The following EPRS1 variants were observed in gnomAD, a reference collection of about 807,000 sequenced individuals.
The protein encoded by EPRS1 is glutamyl-prolyl-tRNA synthetase 1.
A neutral mutation model predicts 188.3 loss-of-function variants in EPRS1; 107 were observed. The ratio of observed to expected loss-of-function variants is 0.57; its 90% CI spans 0.49 to 0.67. EPRS1 has a LOEUF of 0.67. Among genes scored for constraint, EPRS1 ranks in the 30% least tolerant of loss-of-function variants. The pLI, the probability that EPRS1 is intolerant of heterozygous loss-of-function variation, is 0.00. For synonymous variants in EPRS1, 596 were observed against 593.1 expected (o/e 1.00, Z -0.07); for missense variants, 1,577 against 1,802.2 (o/e 0.88, Z 2.26).
At chr1:220,042,613 A>G (rs1662317777) in intron 1 of EPRS1, among the ~76,000 whole-genome samples, 1 of 151,842 alleles carries the variant, frequency 6.6e-6, no homozygotes, top group South Asian at 2.1e-4. Context: ...ATGAAATTTT[A>G]TCCAGCAAAT....
At position 219,998,957 on chromosome 1, in the gene EPRS1, A is replaced by AT. The variant is rs558502516; in HGVS notation, c.2182-1616dup. 2.3e-3 allele frequency among the ~76,000 whole-genome samples: 349 copies of AT among 149,988 alleles called. 2 individuals carry two copies. The highest frequency in any genetic ancestry group is 7.5e-3 in the African/African-American group (306 of 40,844). On this transcript the variant is annotated intron_variant, in intron 17 of 31. Transcript: ENST00000366923. ...AAAAAATCACACTGCCTTGTGTGTG[A>AT]TTTTTTCCCTGTGTATTCCAGTTTT...
intron 1 of EPRS1, among the ~76,000 whole-genome samples, chr1:220,041,100 G>A (rs1200827895): frequency 3.3e-5 from 5 of 151,960 alleles, no homozygotes; most frequent in South Asian, 2.1e-4. Context: ...GGAGGCTGAG[G>A]TGGGAGGACT....
chr1:220,037,279 C>T (rs778114400), intron 2 of EPRS1, among the ~76,000 whole-genome samples: 15 of 151,796 alleles, frequency 9.9e-5, no homozygotes, highest in African/African-American at 1.5e-4. Flanking sequence ...CCGAGGTGGG[C>T]GGATCACCTG....
At chr1:219,988,309 T>G (rs1661048666) in intron 19 of EPRS1, among the ~76,000 whole-genome samples, 1 of 152,158 alleles carries the variant, frequency 6.6e-6, no homozygotes, top group South Asian at 2.1e-4. Context: ...GTCACTATTC[T>G]GGATCTTACA....
chr1:220,025,600 T>G (rs1661956212), intron 6 of EPRS1, among the ~76,000 whole-genome samples: 1 of 152,160 alleles, frequency 6.6e-6, no homozygotes. Flanking sequence ...GCTTCAAAAT[T>G]GTTTCCAACG....
At chr1:220,032,358 T>G (rs1421541572) in intron 5 of EPRS1, 29 bp downstream of exon 5, 3 of 1,566,600 alleles carry the variant, frequency 1.9e-6, no homozygotes, top group Non-Finnish European at 2.6e-6. Flanking sequence ...AGTGTTTTTT[T>G]TTTTAAAAAA....
At chr1:220,019,198 A>G in intron 10 of EPRS1, 119 bp from the exon 11 acceptor site, 2 of 701,868 alleles carry the variant, frequency 2.8e-6, no homozygotes, top group Non-Finnish European at 2.5e-6. Flanking sequence ...TCTAAGAGCT[A>G]GTTATACTAA....
At chr1:220,023,184 T>C (rs943023097) in intron 8 of EPRS1, among the ~76,000 whole-genome samples, 1 of 152,206 alleles carries the variant, frequency 6.6e-6, no homozygotes, top group Non-Finnish European at 1.5e-5. Context: ...CAAGTGGCTA[T>C]GGCTCCCTCT....
chr1:220,001,315 A>G, intron 16 of EPRS1, 60 bp from the exon 17 acceptor site: 1 of 940,296 alleles, frequency 1.1e-6, no homozygotes, highest in Non-Finnish European at 1.8e-6. Context: ...GAACAGCAAT[A>G]AACACTGAAT....
intron 9 of EPRS1, among the ~76,000 whole-genome samples, chr1:220,020,825 TA>T (rs1476421896): frequency 0.25 from 377 of 1,500 alleles, 2 homozygotes; most frequent in African/African-American, 0.45. Flanking sequence ...AATTTGAATT[TA>T]TATATATATA....
At chr1:220,028,001 C>T (rs1339223146) in intron 6 of EPRS1, among the ~76,000 whole-genome samples, 1 of 151,884 alleles carries the variant, frequency 6.6e-6, no homozygotes, top group Non-Finnish European at 1.5e-5. Context: ...GACAAATGTA[C>T]CATAATAATG....
rs1660897182 is a variant in EPRS1, at chr1:219,981,432, C to T, written c.3399G>A (p.Trp1133Ter). Residue 1133 changes from tryptophan to a stop codon, truncating the protein, a stop_gained, in exon 24 of 32, where the codon TGG becomes TGA. Coordinates refer to ENST00000366923, the MANE Select transcript of EPRS1 (RefSeq NM_004446.3). LOFTEE classifies it high-confidence loss of function. ...ETVMYPAYAK[W>*]VQSHRDLPIK... is the part of the protein sequence containing the mutation. ...TGGGCAGGTCTCTGTGTGACTGTAC[C>T]CATTTTGCATATGCAGGATACATTA... is the stretch of plus-strand genomic sequence containing the variant. 1 of 1,605,050 alleles carries T rather than the reference C, an allele frequency of 6.2e-7. No individual in the cohort carries two copies. The highest frequency in any genetic ancestry group is 1.3e-5 in the African/African-American group (1 of 74,644).
At chr1:220,045,546 G>A (rs1662385622) in intron 1 of EPRS1, among the ~76,000 whole-genome samples, 1 of 152,040 alleles carries the variant, frequency 6.6e-6, no homozygotes, top group Admixed American at 6.6e-5. Context: ...AAATTCTTCT[G>A]TGTAATTTCC....
intron 16 of EPRS1, among the ~76,000 whole-genome samples, chr1:220,003,720 T>C (rs1298420674): frequency 2.6e-5 from 4 of 152,226 alleles, no homozygotes. Flanking sequence ...CCACCACCAT[T>C]ACTAAATACT....
chr1:220,019,172 G>T, intron 10 of EPRS1, 93 bp from the exon 11 acceptor site: 1 of 828,840 alleles, frequency 1.2e-6, no homozygotes, highest in Non-Finnish European at 2.0e-6. Context: ...ATCATATTCA[G>T]CTTGTTAAAC....
chr1:219,984,384 A>C, intron 20 of EPRS1, 127 bp from the exon 21 acceptor site: 1 of 695,400 alleles, frequency 1.4e-6, no homozygotes, highest in Non-Finnish European at 2.6e-6. Context: ...TGTATTTGTA[A>C]CTCTTCTATA....
chr1:220,017,046 C>G (rs1221161741), intron 12 of EPRS1, among the ~76,000 whole-genome samples: 1 of 152,008 alleles, frequency 6.6e-6, no homozygotes, highest in Non-Finnish European at 1.5e-5. Flanking sequence ...AACCCCATCT[C>G]TACTAAAAAT....
intron 6 of EPRS1, among the ~76,000 whole-genome samples, chr1:220,026,684 C>A (rs963744919): frequency 1.3e-5 from 2 of 151,742 alleles, no homozygotes; most frequent in South Asian, 2.1e-4. Context: ...GTGCCTGCCA[C>A]CATGCCCGGC....
At position 219,980,861 on chromosome 1, in the gene EPRS1, G is replaced by A; in HGVS notation, c.3454-4C>T. The A allele has an allele frequency of 6.3e-7, 1 of 1,598,126 alleles. No individual in the cohort carries two copies. The highest frequency in any genetic ancestry group is 8.6e-7 in the Non-Finnish European group (1 of 1,167,798). On this transcript the variant is annotated splice_region_variant and splice_polypyrimidine_tract_variant and intron_variant, in intron 24 of 31. Coordinates refer to ENST00000366923, the MANE Select transcript of EPRS1 (RefSeq NM_004446.3). ...GAGGATGCTTGAATTCCCAACGCTG[G>A]AAGAGGCAAGAAAACAATTTAGTCA...
Sources: gnomAD v4.1 joint callset for allele counts (sites outside exome capture counted in the v4.1 genomes callset) on GRCh38, gnomAD v4.1.1 for gene constraint, MANE v1.5 for transcripts, NCBI Gene and HGNC (gene_info 2026-07-23, HGNC 2026-07-21) for gene names.